Variants in FRMD6 observed in about 807,000 individuals in gnomAD.
FRMD6 encodes FERM domain containing 6, also known as FERM domain-containing protein 6.
A neutral mutation model predicts 73.2 loss-of-function variants in FRMD6; 37 were observed. That is an observed-to-expected ratio of 0.51 (90% CI 0.39 to 0.66). The LOEUF (loss-of-function observed/expected upper bound fraction) is 0.66, where lower values mean the gene tolerates loss of function less well. Ranked by LOEUF, FRMD6 falls within the 30% of genes least tolerant of loss-of-function variation. The pLI, the probability that FRMD6 is intolerant of heterozygous loss-of-function variation, is 0.00. For synonymous variants in FRMD6, 273 were observed against 282.2 expected (o/e 0.97, Z 0.33); for missense variants, 714 against 780.5 (o/e 0.91, Z 1.02).
At chr14:51,400,781 A>T in the FRMD6 span, among the ~76,000 whole-genome samples, 1 of 152,248 alleles carries the variant, frequency 6.6e-6, no homozygotes, top group African/African-American at 2.4e-5. Flanking sequence ...ATGCTGGGGC[A>T]TTAGACAAAA....
intron 1 of FRMD6, among the ~76,000 whole-genome samples, chr14:51,532,609 CA>C (rs1885654807): frequency 6.6e-6 from 1 of 152,036 alleles, no homozygotes; most frequent in Non-Finnish European, 1.5e-5. Flanking sequence ...AGTGTTAACA[CA>C]AAACATGACT....
intron 1 of FRMD6, among the ~76,000 whole-genome samples, chr14:51,502,760 T>G (rs376639813): frequency 6.6e-6 from 1 of 152,236 alleles, no homozygotes; most frequent in South Asian, 2.1e-4. Context: ...TTAATGGGAA[T>G]AGCAGTGATT....
chr14:51,550,711 A>C (rs1328501574), intron 1 of FRMD6, among the ~76,000 whole-genome samples: 2 of 152,164 alleles, frequency 1.3e-5, no homozygotes, highest in Non-Finnish European at 2.9e-5. Context: ...TTTGAACTGT[A>C]ACTCTCCTAC....
chr14:51,493,688 T>C (rs966995030), intron 1 of FRMD6, among the ~76,000 whole-genome samples: 2 of 152,200 alleles, frequency 1.3e-5, no homozygotes, highest in African/African-American at 2.4e-5. Context: ...TGAAATGACA[T>C]ACTTGTCATT....
the FRMD6 span, among the ~76,000 whole-genome samples, chr14:51,441,292 C>T: frequency 6.6e-6 from 1 of 152,182 alleles, no homozygotes; most frequent in East Asian, 1.9e-4. Context: ...CAGTTCCAGG[C>T]CCTGACACTT....
intron 2 of FRMD6, among the ~76,000 whole-genome samples, chr14:51,589,247 A>G (rs1282638492): frequency 2.6e-5 from 4 of 152,160 alleles, no homozygotes; most frequent in South Asian, 4.1e-4. Context: ...TGACTATAGA[A>G]GGTCCTAGAG....
chr14:51,623,515 CA>C (rs754649471), intron 2 of FRMD6, among the ~76,000 whole-genome samples: 1 of 152,204 alleles, frequency 6.6e-6, no homozygotes, highest in East Asian at 1.9e-4. Context: ...TGAAAGGACA[CA>C]CAGATTTTCT....
At chr14:51,416,782 G>C in the FRMD6 span, among the ~76,000 whole-genome samples, 1 of 152,156 alleles carries the variant, frequency 6.6e-6, no homozygotes, top group Non-Finnish European at 1.5e-5. Context: ...TATAGTGTGG[G>C]AGTCTAAGTC....
the FRMD6 span, among the ~76,000 whole-genome samples, chr14:51,403,682 A>G: frequency 1.3e-5 from 2 of 152,314 alleles, no homozygotes; most frequent in East Asian, 3.9e-4. Context: ...GATTACAGGC[A>G]TGAGCCACCA....
chr14:51,623,969 G>A (rs990401576), intron 2 of FRMD6, among the ~76,000 whole-genome samples: 17 of 152,260 alleles, frequency 1.1e-4, no homozygotes, highest in Middle Eastern at 3.4e-3. Flanking sequence ...CTATGCAGCC[G>A]TAAAAAGGAA....
In FRMD6 at chr14:51,553,802, T is replaced by C. The variant is rs185844241; in HGVS notation, c.-209-16546T>C. The stretch of plus-strand genomic sequence containing the variant: ...GAATAGCTAAGAGAAGACGGTGGAG[T>C]TTACCGAGCGGATGAGGGGCAGGCT... On this transcript the variant is annotated intron_variant, in intron 1 of 14. Coordinates refer to the FRMD6 transcript ENST00000356218. Among the ~76,000 whole-genome samples the C allele has an allele frequency of 3.2e-3, 480 of 152,004 alleles. 6 individuals carry two copies. Among genetic ancestry groups the C allele is most frequent in the Non-Finnish European group, 2.5e-3 (167 of 67,974 alleles).
intron 1 of FRMD6, among the ~76,000 whole-genome samples, chr14:51,671,465 G>T (rs1893999090): frequency 1.3e-5 from 2 of 152,090 alleles, no homozygotes; most frequent in African/African-American, 4.8e-5. Flanking sequence ...ATTATGTATG[G>T]ATTTCAGAAT....
chr14:51,552,073 A>C (rs1886871330), intron 1 of FRMD6, among the ~76,000 whole-genome samples: 1 of 152,212 alleles, frequency 6.6e-6, no homozygotes, highest in Admixed American at 6.5e-5. Flanking sequence ...ATATTTTGAG[A>C]ATAAATGAGA....
rs1265871097 is a variant in FRMD6 at position 51,690,524 on chromosome 14, T to TACTGGCACGC, written c.99+592_99+601dup. Among the ~76,000 whole-genome samples the TACTGGCACGC allele has an allele frequency of 4.6e-5, 7 of 152,284 alleles. No individual in the cohort carries two copies. The East Asian group carries it at 9.7e-4, about 21-fold the overall frequency. Reference sequence around the variant, plus strand: ...CCTCAGCCTGCCGAGTAGCTGGGATTACTGGCACGCACCACCACGCCCGGC... The same window carrying TACTGGCACGC: ...CCTCAGCCTGCCGAGTAGCTGGGATTACTGGCACGCACTGGCACGCACCACCACGCCCGGC... On this transcript the variant is annotated intron_variant, in intron 2 of 13. Coordinates refer to ENST00000344768, the MANE Select transcript of FRMD6 (RefSeq NM_001267046.2).
chr14:51,487,560 A>T (rs1252101324), upstream of FRMD6, among the ~76,000 whole-genome samples: 2 of 152,240 alleles, frequency 1.3e-5, no homozygotes, highest in Non-Finnish European at 2.9e-5. Context: ...TTGAATAGCA[A>T]GCCACTAAAA....
At chr14:51,472,814 T>G in the FRMD6 span, among the ~76,000 whole-genome samples, 1 of 152,208 alleles carries the variant, frequency 6.6e-6, no homozygotes, top group Non-Finnish European at 1.5e-5. Context: ...ACTCAAGCAC[T>G]GAGGCGCCAG....
chr14:51,483,728 A>G, the FRMD6 span, among the ~76,000 whole-genome samples: 347 of 152,356 alleles, frequency 2.3e-3, 2 homozygotes, highest in African/African-American at 8.1e-3. Context: ...GAAACAATAA[A>G]CTAATACTCA....
At chr14:51,467,808 T>A in the FRMD6 span, among the ~76,000 whole-genome samples, 1 of 96,432 alleles carries the variant, frequency 1.0e-5, no homozygotes, top group African/African-American at 4.1e-5. Flanking sequence ...CTTCCCAGAC[T>A]GGGCGGCCGG....
chr14:51,437,283 A>G, the FRMD6 span, among the ~76,000 whole-genome samples: 9 of 152,178 alleles, frequency 5.9e-5, no homozygotes, highest in South Asian at 2.1e-4. Context: ...ACGGTTTCCA[A>G]CTTCATCCAT....
Sources: allele counts gnomAD v4.1 joint callset (sites outside exome capture counted in the v4.1 genomes callset), GRCh38; gene constraint gnomAD v4.1.1; transcripts MANE v1.5; gene names NCBI Gene and HGNC (gene_info 2026-07-23, HGNC 2026-07-21).